Variants in GARIN2 observed in about 807,000 individuals in gnomAD.
GARIN2 encodes the protein Golgi-associated RAB2 interactor protein 2.
the GARIN2 span, chr14:67,204,883 G>GA: frequency 1.8e-5 from 29 of 1,613,800 alleles, no homozygotes; most frequent in Non-Finnish European, 2.2e-5. Context: ...AGATTTCCCA[G>GA]AATTCACAGA....
the GARIN2 span, chr14:67,208,452 A>G: frequency 4.3e-6 from 7 of 1,611,394 alleles, no homozygotes; most frequent in Non-Finnish European, 5.9e-6. Context: ...GAATCCAGGT[A>G]TGTGAGGCAG....
At chr14:67,202,782 A>G in the GARIN2 span, among the ~76,000 whole-genome samples, 1 of 152,180 alleles carries the variant, frequency 6.6e-6, no homozygotes, top group South Asian at 2.1e-4. Flanking sequence ...CCCCACTCTA[A>G]GCTAAGTCAA....
chr14:67,195,309 C>T, the GARIN2 span, among the ~76,000 whole-genome samples: 4 of 152,134 alleles, frequency 2.6e-5, no homozygotes, highest in Non-Finnish European at 5.9e-5. Context: ...TCTCTCATTT[C>T]CTCCTCCCTC....
At chr14:67,221,998 G>T in the GARIN2 span, 1 of 638,288 alleles carries the variant, frequency 1.6e-6, no homozygotes, top group Non-Finnish European at 2.5e-6. Context: ...CCGATCCTCA[G>T]GCTATCTTTC....
the GARIN2 span, among the ~76,000 whole-genome samples, chr14:67,190,227 C>CTT: frequency 0.027 from 3,298 of 123,520 alleles, 46 homozygotes; most frequent in Middle Eastern, 0.033. Context: ...TTGTTCTTTT[C>CTT]TTTTTTTTTT....
the GARIN2 span, chr14:67,204,415 G>T: frequency 7.4e-7 from 1 of 1,343,028 alleles, no homozygotes; most frequent in Non-Finnish European, 9.7e-7. Flanking sequence ...GCACTCCAAC[G>T]TGGGCAACAG....
At chr14:67,203,337 G>A in the GARIN2 span, 1 of 1,458,854 alleles carries the variant, frequency 6.9e-7, no homozygotes, top group Non-Finnish European at 9.2e-7. Context: ...CAGAAGATGT[G>A]CATTAGCCCT....
chr14:67,218,464 G>A, the GARIN2 span, among the ~76,000 whole-genome samples: 1 of 152,174 alleles, frequency 6.6e-6, no homozygotes, highest in Non-Finnish European at 1.5e-5. Context: ...CCTGTGGGCT[G>A]TTTCTGAGGC....
chr14:67,203,347 T>C, the GARIN2 span: 4 of 1,406,018 alleles, frequency 2.8e-6, no homozygotes, highest in South Asian at 1.4e-5. Context: ...GCATTAGCCC[T>C]GTGGATCTGA....
the GARIN2 span, among the ~76,000 whole-genome samples, chr14:67,202,042 A>G: frequency 1.3e-5 from 2 of 152,210 alleles, no homozygotes; most frequent in African/African-American, 2.4e-5. Context: ...TCTCTTCCTC[A>G]GGGGAGACTT....
chr14:67,225,272 TTTTAA>T, the GARIN2 span: 1 of 1,488,984 alleles, frequency 6.7e-7, no homozygotes, highest in Non-Finnish European at 8.9e-7. Flanking sequence ...AAAGGTAACT[TTTTAA>T]TTATAAGTCT....
chr14:67,193,112 A>C, the GARIN2 span, among the ~76,000 whole-genome samples: 9 of 143,930 alleles, frequency 6.3e-5, no homozygotes, highest in African/African-American at 2.2e-4. Context: ...CTCTATATAG[A>C]TATCTCTCTA....
chr14:67,205,970 G>A, the GARIN2 span, among the ~76,000 whole-genome samples: 1 of 152,156 alleles, frequency 6.6e-6, no homozygotes, highest in Non-Finnish European at 1.5e-5. Flanking sequence ...GATTGCTTGA[G>A]CTTGGGAGTT....
At chr14:67,219,447 T>G in the GARIN2 span, among the ~76,000 whole-genome samples, 1 of 152,198 alleles carries the variant, frequency 6.6e-6, no homozygotes, top group Admixed American at 6.5e-5. Flanking sequence ...ATCTTAGCAG[T>G]TTATTCATTG....
At chr14:67,193,165 CATCTATATATCTCTATATAGACATCT>C in the GARIN2 span, among the ~76,000 whole-genome samples, 5 of 130,682 alleles carry the variant, frequency 3.8e-5, no homozygotes, top group African/African-American at 5.5e-5. Flanking sequence ...TCTATATAGA[CATCTATATATCTCTATATAGACATCT>C]ATCTATATAT....
chr14:67,224,250 C>T, the GARIN2 span, among the ~76,000 whole-genome samples: 1 of 148,158 alleles, frequency 6.7e-6, no homozygotes, highest in African/African-American at 2.5e-5. Flanking sequence ...GAGTTCATTT[C>T]TCTCTTTTCT....
the GARIN2 span, among the ~76,000 whole-genome samples, chr14:67,217,953 G>C: frequency 6.6e-6 from 1 of 152,136 alleles, no homozygotes; most frequent in African/African-American, 2.4e-5. Flanking sequence ...TTATTTATAT[G>C]AATGGGTCTT....
At chr14:67,217,167 CT>C in the GARIN2 span, among the ~76,000 whole-genome samples, 55 of 148,938 alleles carry the variant, frequency 3.7e-4, no homozygotes, top group East Asian at 4.9e-3. Flanking sequence ...CTTTCTTCAT[CT>C]TTTTTTTTTA....
chr14:67,204,292 G>A, the GARIN2 span, among the ~76,000 whole-genome samples: 1 of 151,988 alleles, frequency 6.6e-6, no homozygotes, highest in Non-Finnish European at 1.5e-5. Flanking sequence ...GCAAAAATTA[G>A]CCAGGCATTG....
Sources: allele counts gnomAD v4.1 joint callset (sites outside exome capture counted in the v4.1 genomes callset), GRCh38; gene constraint gnomAD v4.1.1; transcripts MANE v1.5; gene names NCBI Gene and HGNC (gene_info 2026-07-23, HGNC 2026-07-21).